The following NTM variants were observed in gnomAD, a reference collection of about 807,000 sequenced individuals.
NTM encodes IgLON family member 2.
NTM carries 13 observed loss-of-function variants against 42.1 expected under a neutral mutation model. That is an observed-to-expected ratio of 0.31 (90% CI 0.20 to 0.49). NTM has a LOEUF of 0.49. Ranked by LOEUF, NTM falls within the 20% of genes least tolerant of loss-of-function variation. NTM has a pLI of 0.99. For missense variants in NTM, 373 were observed against 452.8 expected (o/e 0.82, Z 1.60); for synonymous variants, 187 against 179.2 (o/e 1.04, Z -0.35).
chr11:131,782,951 C>T (rs2088450871), intron 1 of NTM, among the ~76,000 whole-genome samples: 3 of 152,118 alleles, frequency 2.0e-5, no homozygotes, highest in Admixed American at 6.5e-5. Context: ...CTCACCACTG[C>T]TATCTGTTAT....
intron 1 of NTM, among the ~76,000 whole-genome samples, chr11:131,793,188 GT>G (rs1231249254): frequency 1.3e-5 from 2 of 152,262 alleles, no homozygotes; most frequent in African/African-American, 4.8e-5. Context: ...AGTCTGCTAT[GT>G]TGGAAGAGTA....
intron 2 of NTM, among the ~76,000 whole-genome samples, chr11:131,984,205 C>T (rs1427385617): frequency 6.6e-6 from 1 of 152,176 alleles, no homozygotes; most frequent in Non-Finnish European, 1.5e-5. Flanking sequence ...AGCTCAAAGT[C>T]CGAGTTCACC....
chr11:132,009,231 G>A (rs1462651379), intron 2 of NTM, among the ~76,000 whole-genome samples: 2 of 152,160 alleles, frequency 1.3e-5, no homozygotes, highest in Non-Finnish European at 2.9e-5. Flanking sequence ...GTGCCTGCAA[G>A]AGTCCTGTAA....
intron 1 of NTM, among the ~76,000 whole-genome samples, chr11:131,468,753 G>T (rs1176985845): frequency 2.6e-5 from 4 of 152,290 alleles, no homozygotes; most frequent in Non-Finnish European, 4.4e-5. Context: ...GCAAAAGTTT[G>T]CATATCTTCA....
intron 1 of NTM, among the ~76,000 whole-genome samples, chr11:131,468,284 C>T (rs902520518): frequency 3.9e-5 from 6 of 152,354 alleles, no homozygotes; most frequent in Admixed American, 3.3e-4. Context: ...GGTTGATTGA[C>T]ATCCTCAGGA....
chr11:132,125,598 GGTGTGTGAT>G (rs1283504005), intron 2 of NTM, among the ~76,000 whole-genome samples: 1 of 143,012 alleles, frequency 7.0e-6, no homozygotes, highest in Non-Finnish European at 1.5e-5. Flanking sequence ...TGTAGTGTGT[GGTGTGTGAT>G]GTGTGTGGTG....
chr11:131,714,774 C>T (rs528345144), intron 1 of NTM, among the ~76,000 whole-genome samples: 4 of 152,140 alleles, frequency 2.6e-5, no homozygotes, highest in African/African-American at 9.7e-5. Context: ...CAGCCTTTAC[C>T]GAGTGTCATC....
At chr11:131,733,976 C>G (rs2080076708) in intron 1 of NTM, among the ~76,000 whole-genome samples, 1 of 152,114 alleles carries the variant, frequency 6.6e-6, no homozygotes, top group Non-Finnish European at 1.5e-5. Context: ...TAGTGTTGTT[C>G]ATAATTTTTT....
intron 1 of NTM, among the ~76,000 whole-genome samples, chr11:131,875,279 T>C (rs1347985258): frequency 6.6e-6 from 1 of 152,148 alleles, no homozygotes; most frequent in African/African-American, 2.4e-5. Flanking sequence ...CCCTACACTT[T>C]AAAAGAAAAA....
intron 1 of NTM, among the ~76,000 whole-genome samples, chr11:131,812,192 C>CTCTCTCTA (rs1565582107): frequency 7.4e-5 from 2 of 27,030 alleles, no homozygotes; most frequent in Non-Finnish European, 2.2e-4. Flanking sequence ...GCCTCTCTCT[C>CTCTCTCTA]TCTCTCTCTC....
chr11:131,904,541 C>T (rs1429166363), intron 1 of NTM, among the ~76,000 whole-genome samples: 1 of 152,132 alleles, frequency 6.6e-6, no homozygotes, highest in African/African-American at 2.4e-5. Context: ...ATGTTCTTAT[C>T]CAGTGATTTG....
rs149947177 is a variant in NTM, at chr11:132,174,452, A to G, written c.400+27938A>G. Among the ~76,000 whole-genome samples, 12 of 152,358 alleles carry G rather than the reference A, an allele frequency of 7.9e-5. 1 individual carries two copies. The South Asian group carries it at 2.3e-3, about 29-fold the overall frequency. ...GCAAGTTAAGAATGTACCTTGCTAC[A>G]TGCCCCAGGGTAACAGAATCGATGC... On this transcript the variant is annotated intron_variant, in intron 3 of 8. Coordinates refer to ENST00000683400, the MANE Select transcript of NTM (RefSeq NM_001352005.2).
chr11:131,762,144 C>A (rs1051410936), intron 1 of NTM, among the ~76,000 whole-genome samples: 16 of 152,240 alleles, frequency 1.1e-4, no homozygotes, highest in African/African-American at 3.9e-4. Flanking sequence ...GTTATCAAAG[C>A]CCCAGCACTT....
At chr11:131,902,964 T>G (rs748083182) in intron 1 of NTM, among the ~76,000 whole-genome samples, 31 of 152,334 alleles carry the variant, frequency 2.0e-4, no homozygotes, top group Admixed American at 7.8e-4. Context: ...CTAAATGGCT[T>G]ATCTGAGAAA....
At chr11:131,963,462 G>A (rs1391666068) in intron 2 of NTM, among the ~76,000 whole-genome samples, 1 of 152,194 alleles carries the variant, frequency 6.6e-6, no homozygotes, top group Non-Finnish European at 1.5e-5. Flanking sequence ...TGTCTTTCAG[G>A]TTGTTCAGTC....
chr11:132,004,494 G>A (rs998780244), intron 2 of NTM, among the ~76,000 whole-genome samples: 2 of 151,938 alleles, frequency 1.3e-5, no homozygotes, highest in Admixed American at 6.6e-5. Flanking sequence ...TGATATCTTT[G>A]TGCTACTTTA....
rs554364593 is a variant in NTM, at chr11:131,658,473, C to T, written c.83-253091C>T. 4.6e-5 allele frequency among the ~76,000 whole-genome samples: 7 copies of T among 152,346 alleles called. No individual in the cohort carries two copies. In the South Asian group the frequency reaches 1.4e-3, roughly 32 times the overall value. On this transcript the variant is annotated intron_variant, in intron 1 of 8. Coordinates refer to ENST00000683400, the MANE Select transcript of NTM (RefSeq NM_001352005.2). ...TGCAGCTCTTACATTCGTGAACCTA[C>T]ATGGACACGTCACTATGCTGATGCC...
At chr11:131,454,514 A>G (rs1367895013) in intron 1 of NTM, among the ~76,000 whole-genome samples, 2 of 152,202 alleles carry the variant, frequency 1.3e-5, no homozygotes, top group Non-Finnish European at 2.9e-5. Context: ...CAGAGTCCCT[A>G]CACACTGCTG....
intron 1 of NTM, among the ~76,000 whole-genome samples, chr11:131,396,087 G>A (rs1325367632): frequency 6.6e-6 from 1 of 152,138 alleles, no homozygotes; most frequent in African/African-American, 2.4e-5. Context: ...CAGCACTCAA[G>A]GGCAGGCTCC....
Sources: allele counts gnomAD v4.1 joint callset (sites outside exome capture counted in the v4.1 genomes callset), GRCh38; gene constraint gnomAD v4.1.1; transcripts MANE v1.5; gene names NCBI Gene and HGNC (gene_info 2026-07-23, HGNC 2026-07-21).